The following NCKAP5 variants were observed in gnomAD, a reference collection of about 807,000 sequenced individuals.
NCKAP5 encodes nck-associated protein 5.
In NCKAP5, 92 loss-of-function variants were observed where a neutral mutation model predicts 167.0. The observed-to-expected ratio is 0.55, with a 90% CI of 0.47 to 0.66. The LOEUF is 0.66. Among genes scored for constraint, NCKAP5 ranks in the 30% least tolerant of loss-of-function variants. NCKAP5 has a pLI of 0.00. For missense variants in NCKAP5, 2,378 were observed against 2,315.0 expected, an observed-to-expected ratio of 1.03 and a Z score of -0.56; for synonymous variants, 891 against 877.4, an observed-to-expected ratio of 1.02 and a Z score of -0.27.
intron 3 of NCKAP5, among the ~76,000 whole-genome samples, chr2:133,348,071 G>A (rs1304034265): frequency 6.6e-6 from 1 of 152,154 alleles, no homozygotes; most frequent in East Asian, 1.9e-4. Flanking sequence ...ATGTGGCACA[G>A]GGATAGCATT....
intron 6 of NCKAP5, among the ~76,000 whole-genome samples, chr2:133,070,771 C>A (rs1454552331): frequency 1.3e-5 from 2 of 151,978 alleles, no homozygotes; most frequent in African/African-American, 4.8e-5. Flanking sequence ...GTGTGTGTAT[C>A]CTCCTATATA....
At chr2:132,984,779 A>G (rs2077243193) in intron 7 of NCKAP5, among the ~76,000 whole-genome samples, 1 of 151,888 alleles carries the variant, frequency 6.6e-6, no homozygotes, top group African/African-American at 2.4e-5. Flanking sequence ...TAAAAAAACA[A>G]AAGACAGTTT....
chr2:133,531,268 TTAA>T (rs1248206649), intron 2 of NCKAP5, among the ~76,000 whole-genome samples: 2 of 152,198 alleles, frequency 1.3e-5, no homozygotes, highest in African/African-American at 4.8e-5. Context: ...AGTTATTGCA[TTAA>T]TAAATTACTT....
chr2:133,039,259 A>G (rs1240605630), intron 6 of NCKAP5, among the ~76,000 whole-genome samples: 2 of 152,232 alleles, frequency 1.3e-5, no homozygotes, highest in Non-Finnish European at 1.5e-5. Flanking sequence ...GGTGAAACCG[A>G]TATTACTGAC....
At chr2:133,227,282 A>G (rs1254359209) in intron 4 of NCKAP5, among the ~76,000 whole-genome samples, 1 of 152,178 alleles carries the variant, frequency 6.6e-6, no homozygotes, top group Non-Finnish European at 1.5e-5. Flanking sequence ...GGCACACATA[A>G]TCTCAGCCAT....
At chr2:133,444,029 T>C (rs535946306) in intron 3 of NCKAP5, among the ~76,000 whole-genome samples, 2 of 152,288 alleles carry the variant, frequency 1.3e-5, no homozygotes, top group Admixed American at 1.3e-4. Context: ...TGCACAAATA[T>C]TGTTTTTTAA....
chr2:133,049,250 T>C (rs2079516103), intron 6 of NCKAP5, among the ~76,000 whole-genome samples: 1 of 152,154 alleles, frequency 6.6e-6, no homozygotes, highest in African/African-American at 2.4e-5. Flanking sequence ...CTCTGAAGAA[T>C]GTGAGCACAG....
chr2:132,724,572 T>C (rs1159897659), intron 19 of NCKAP5, among the ~76,000 whole-genome samples: 1 of 152,038 alleles, frequency 6.6e-6, no homozygotes, highest in African/African-American at 2.4e-5. Context: ...GCGAGCTCCA[T>C]GACAATGAAC....
intron 7 of NCKAP5, among the ~76,000 whole-genome samples, 173 bp from the exon 8 acceptor site, chr2:132,964,042 T>A (rs562263620): frequency 2.6e-5 from 4 of 152,252 alleles, no homozygotes; most frequent in African/African-American, 9.6e-5. Context: ...ATATTTTTAC[T>A]GACCCCTGGA....
rs1279341147 is a variant in NCKAP5, at chr2:132,782,131, T to C, written c.4680A>G (p.Leu1560=). The C allele has an allele frequency of 1.9e-6, 3 of 1,611,534 alleles. No homozygotes were observed. Among genetic ancestry groups the C allele is most frequent in the African/African-American group, 2.7e-5 (2 of 74,612 alleles). The change falls in exon 14 of 20, where the codon CTA becomes CTG. Residue 1560 remains leucine (L), a synonymous_variant. Transcript: ENST00000409261. ...TAAGCTCATTTTCTGTCTCACACTG[T>C]AGTTCAGGCTTCTTTTTCTCTTTTT... ...ERKKEKKKPE[L]QCETENELIK...
chr2:133,082,780 G>A (rs562419986), intron 6 of NCKAP5, among the ~76,000 whole-genome samples: 1 of 152,262 alleles, frequency 6.6e-6, no homozygotes, highest in South Asian at 2.1e-4. Flanking sequence ...ATGGCCTACT[G>A]TTTAATTGTG....
chr2:133,055,483 TATATATAGTTTATATATATATGA>T (rs200319958), intron 6 of NCKAP5, among the ~76,000 whole-genome samples: 1 of 149,880 alleles, frequency 6.7e-6, no homozygotes, highest in East Asian at 1.9e-4. Flanking sequence ...TATATATATA[TATATATAGTTTATATATATATGA>T]ATAGTTTATA....
At chr2:133,154,120 G>C (rs564373035) in intron 5 of NCKAP5, among the ~76,000 whole-genome samples, 1 of 152,190 alleles carries the variant, frequency 6.6e-6, no homozygotes, top group East Asian at 1.9e-4. Context: ...AGGATTACAG[G>C]CGTGAGCCAC....
chr2:133,610,076 C>T, the NCKAP5 span, among the ~76,000 whole-genome samples: 624 of 152,248 alleles, frequency 4.1e-3, 3 homozygotes, highest in Non-Finnish European at 5.4e-3. Context: ...TGGGTCTCCT[C>T]CCTCCTCATT....
Position 132,938,170 on chromosome 2 carries a change from T to C in NCKAP5, c.579+25550A>G, listed in dbSNP as rs184571359. Among the ~76,000 whole-genome samples the C allele has an allele frequency of 3.2e-4, 49 of 152,294 alleles. No homozygotes were observed. In the East Asian group the frequency reaches 7.2e-3, roughly 22 times the overall value. ...TGTCAAGGTGGTATGATTTGAGGTG[T>C]GCTGGGAAAGTCCTGTTTGTCCCCA... On this transcript the variant is annotated intron_variant, in intron 8 of 19. Coordinates refer to ENST00000409261, the MANE Select transcript of NCKAP5 (RefSeq NM_207363.3).
intron 3 of NCKAP5, among the ~76,000 whole-genome samples, chr2:133,481,004 C>A (rs563579309): frequency 1.3e-5 from 2 of 152,192 alleles, no homozygotes; most frequent in East Asian, 1.9e-4. Flanking sequence ...TTCTTGCCAC[C>A]AAAAAACCCG....
chr2:133,521,719 C>T (rs565659308), intron 2 of NCKAP5, among the ~76,000 whole-genome samples: 7 of 152,164 alleles, frequency 4.6e-5, no homozygotes, highest in African/African-American at 1.2e-4. Context: ...ACACTTATGA[C>T]CTAATTTAAC....
Position 133,290,016 on chromosome 2 carries a change from C to T in NCKAP5, c.143+13021G>A, listed in dbSNP as rs559604346. ...CATGATCCAGTCACCTCCCACTGGGCCCCTCCTCCAATTCTGGGGATTATA... is the reference window on the plus strand; with the variant it reads ...CATGATCCAGTCACCTCCCACTGGGTCCCTCCTCCAATTCTGGGGATTATA... On this transcript the variant is annotated intron_variant, in intron 4 of 19. Coordinates refer to ENST00000409261, the MANE Select transcript of NCKAP5 (RefSeq NM_207363.3). 2.5e-4 allele frequency among the ~76,000 whole-genome samples: 38 copies of T among 152,314 alleles called. No homozygotes were observed. In the South Asian group the frequency reaches 6.6e-3, roughly 27 times the overall value.
chr2:133,468,807 G>A (rs1289506320), intron 3 of NCKAP5, among the ~76,000 whole-genome samples: 1 of 152,138 alleles, frequency 6.6e-6, no homozygotes, highest in Non-Finnish European at 1.5e-5. Context: ...TTTAAAGTCT[G>A]TTTTATCAGA....
Sources: allele counts gnomAD v4.1 joint callset (sites outside exome capture counted in the v4.1 genomes callset), GRCh38; gene constraint gnomAD v4.1.1; transcripts MANE v1.5; gene names NCBI Gene and HGNC (gene_info 2026-07-23, HGNC 2026-07-21).